CYP2C18: variants seen among roughly 807,000 people sequenced by gnomAD.
CYP2C18 encodes cytochrome P450 2C18.
CYP2C18 carries 38 observed loss-of-function variants against 41.3 expected under a neutral mutation model. The observed-to-expected ratio is 0.92, with a 90% confidence interval of 0.71 to 1.21. CYP2C18 has a LOEUF of 1.21. Among genes scored for constraint, CYP2C18 ranks in the 50% most tolerant of loss-of-function variants. The pLI is 0.00. For missense variants in CYP2C18, 635 were observed against 591.4 expected (o/e 1.07, Z -0.77); for synonymous variants, 236 against 210.0 (o/e 1.12, Z -1.07).
At chr10:94,726,242 A>T (rs1202132328) in intron 7 of CYP2C18, among the ~76,000 whole-genome samples, 1 of 152,052 alleles carries the variant, frequency 6.6e-6, no homozygotes, top group African/African-American at 2.4e-5. Flanking sequence ...ATACATGTGC[A>T]GAATGTGCAG....
intron 8 of CYP2C18, 71 bp downstream of exon 8, chr10:94,733,509 T>G: frequency 1.9e-6 from 3 of 1,591,778 alleles, no homozygotes; most frequent in Non-Finnish European, 2.6e-6. Context: ...GACTCTTACA[T>G]GATGCCACCT....
At position 94,693,202 on chromosome 10, in the gene CYP2C18, G is replaced by A. The variant is rs546082743; in HGVS notation, c.482-1715G>A. Among the ~76,000 whole-genome samples the A allele has an allele frequency of 2.0e-5, 3 of 152,256 alleles. No homozygotes were observed. In the East Asian group the frequency reaches 5.8e-4, roughly 29 times the overall value. On this transcript the variant is annotated intron_variant, in intron 3 of 8. Coordinates refer to ENST00000285979, the MANE Select transcript of CYP2C18 (RefSeq NM_000772.3). The stretch of plus-strand genomic sequence containing the variant: ...TCCCCCATATTGGAGGTGGGGCCTT[G>A]TGAGAGGTGATTGGATCATGGGGGT...
chr10:94,728,853 G>A lies in CYP2C18; in HGVS notation c.1149+4320G>A, dbSNP rs141829285. 5.0e-3 allele frequency among the ~76,000 whole-genome samples: 766 copies of A among 152,146 alleles called. 1 individual carries two copies. Among genetic ancestry groups the A allele is most frequent in the Non-Finnish European group, 7.5e-3 (508 of 68,010 alleles). On this transcript the variant is annotated intron_variant, in intron 7 of 8. Transcript: ENST00000285979. ...CAACTGAAAGTCACAATTACCCAAT[G>A]TAGTTTGCAATTACTTTTCAGTTTC...
chr10:94,720,382 A>T lies in CYP2C18; in HGVS notation c.820-14A>T. 1 of 1,580,962 alleles carries T rather than the reference A, an allele frequency of 6.3e-7. No individual in the cohort carries two copies. Among genetic ancestry groups the T allele is most frequent in the Non-Finnish European group, 8.6e-7 (1 of 1,164,690 alleles). ...CAAACTACCAAATAATTAAATTATG[A>T]AATAATTTTTTAGGAAAAGCACAAT... On this transcript the variant is annotated splice_polypyrimidine_tract_variant and intron_variant, in intron 5 of 8. Transcript: ENST00000285979.
At chr10:94,695,137 A>T (rs895262038) in intron 4 of CYP2C18, 60 bp downstream of exon 4, 1 of 1,413,600 alleles carries the variant, frequency 7.1e-7, no homozygotes. Context: ...AGACAGTCCA[A>T]TTTTTTTAAT....
At chr10:94,690,873 T>C (rs1015590949) in intron 3 of CYP2C18, among the ~76,000 whole-genome samples, 4 of 152,110 alleles carry the variant, frequency 2.6e-5, no homozygotes, top group African/African-American at 9.7e-5. Flanking sequence ...GTCCAACATA[T>C]GAAAATCAAT....
Position 94,706,040 on chromosome 10 carries a change from G to A in CYP2C18, c.643-744G>A, listed in dbSNP as rs145726598. On this transcript the variant is annotated intron_variant, in intron 4 of 8. Coordinates refer to ENST00000285979, the MANE Select transcript of CYP2C18 (RefSeq NM_000772.3). ...TTCATCACATTATTTGGCAAAAGGG[G>A]AGGAGGTTTTGGAGAACAGATGCTA... Among the ~76,000 whole-genome samples the A allele has an allele frequency of 9.5e-4, 144 of 152,268 alleles. 1 individual carries two copies. The highest frequency in any genetic ancestry group is 3.3e-3 in the African/African-American group (139 of 41,566).
intron 6 of CYP2C18, 144 bp downstream of exon 6, chr10:94,720,681 G>T (rs1847632099): frequency 1.3e-6 from 1 of 779,608 alleles, no homozygotes; most frequent in Non-Finnish European, 2.0e-6. Flanking sequence ...TAAATATGAT[G>T]AAGGGATAAG....
Position 94,712,008 on chromosome 10 carries a change from A to ATTTTTTTTTT in CYP2C18, c.819+5059_819+5068dup, listed in dbSNP as rs35672164. ...AGGTGCATGCCACCATGCCCAACTAATTTTTTTTTTTTTTTTTTTTGTAGA... is the reference window on the plus strand; with the variant it reads ...AGGTGCATGCCACCATGCCCAACTAATTTTTTTTTTTTTTTTTTTTTTTTTTTTTTGTAGA... On this transcript the variant is annotated intron_variant, in intron 5 of 8. Coordinates refer to ENST00000285979, the MANE Select transcript of CYP2C18 (RefSeq NM_000772.3). Among the ~76,000 whole-genome samples the ATTTTTTTTTT allele has an allele frequency of 8.5e-3, 834 of 97,784 alleles. 22 individuals are homozygous for ATTTTTTTTTT. The highest frequency in any genetic ancestry group is 0.014 in the Middle Eastern group (3 of 220). 64.2% of individuals were successfully genotyped at this position (97,784 alleles called of 152,430 possible). A position where few individuals can be genotyped will look rare whatever the true frequency, so the allele number is the denominator to read the frequency against.
intron 3 of CYP2C18, among the ~76,000 whole-genome samples, chr10:94,694,661 G>C (rs1847078929): frequency 6.6e-6 from 1 of 152,092 alleles, no homozygotes; most frequent in Non-Finnish European, 1.5e-5. Flanking sequence ...TCTTGGGTCA[G>C]AATTGTGTAA....
intron 3 of CYP2C18, among the ~76,000 whole-genome samples, chr10:94,694,177 G>A (rs943921341): frequency 2.0e-5 from 3 of 152,074 alleles, no homozygotes; most frequent in African/African-American, 7.2e-5. Context: ...CCATTTCTTA[G>A]AGCAGGAAAT....
chr10:94,690,573 A>G (rs1362658120), intron 3 of CYP2C18, among the ~76,000 whole-genome samples: 2 of 152,238 alleles, frequency 1.3e-5, no homozygotes, highest in Non-Finnish European at 2.9e-5. Flanking sequence ...GTCCAGGACC[A>G]GATGGATTCA....
At chr10:94,726,534 G>A (rs1043836700) in intron 7 of CYP2C18, among the ~76,000 whole-genome samples, 14 of 152,050 alleles carry the variant, frequency 9.2e-5, no homozygotes, top group African/African-American at 2.9e-4. Context: ...CATTTTTTAT[G>A]GTTGCATAGT....
chr10:94,717,401 T>C (rs1361370753), intron 5 of CYP2C18, among the ~76,000 whole-genome samples: 1 of 152,168 alleles, frequency 6.6e-6, no homozygotes, highest in Admixed American at 6.6e-5. Context: ...TCTCAGGGTT[T>C]GCTTGTCTGT....
intron 4 of CYP2C18, among the ~76,000 whole-genome samples, chr10:94,700,689 C>T (rs1847221286): frequency 1.3e-5 from 2 of 152,108 alleles, no homozygotes; most frequent in Non-Finnish European, 2.9e-5. Context: ...AACAGGCAAC[C>T]TACAGAATGG....
intron 5 of CYP2C18, among the ~76,000 whole-genome samples, chr10:94,708,778 G>A (rs1847385500): frequency 6.6e-6 from 1 of 152,106 alleles, no homozygotes; most frequent in South Asian, 2.1e-4. Context: ...TATACTGTCT[G>A]TCTCTATAGG....
In CYP2C18 at chr10:94,687,880, G is replaced by GT. The variant is rs770051570; in HGVS notation, c.283dup (p.Ser95PhefsTer10). 6.2e-7 allele frequency: 1 copy of GT among 1,613,842 alleles called. No individual in the cohort carries two copies. Among genetic ancestry groups the GT allele is most frequent in the Admixed American group, 1.7e-5 (1 of 59,994 alleles). ...AGGCCCTGATTGATCATGGAGAGGA[G>GT]TTTTCTGGAAGAGGAAGTTTTCCAG... On this transcript the variant is annotated frameshift_variant, in exon 2 of 9. Coordinates refer to ENST00000285979, the MANE Select transcript of CYP2C18 (RefSeq NM_000772.3). LOFTEE classifies it high-confidence loss of function.
chr10:94,698,066 G>T (rs1331722576), intron 4 of CYP2C18, among the ~76,000 whole-genome samples: 1 of 152,198 alleles, frequency 6.6e-6, no homozygotes, highest in East Asian at 1.9e-4. Flanking sequence ...ACATTAGACA[G>T]ATCAAGGAGA....
chr10:94,695,722 C>A (rs1847104263), intron 4 of CYP2C18, among the ~76,000 whole-genome samples: 1 of 152,088 alleles, frequency 6.6e-6, no homozygotes, highest in South Asian at 2.1e-4. Flanking sequence ...TCAGGGAATT[C>A]CCTTTCCTAG....
Sources: gnomAD v4.1 joint callset for allele counts (sites outside exome capture counted in the v4.1 genomes callset) on GRCh38, gnomAD v4.1.1 for gene constraint, MANE v1.5 for transcripts, NCBI Gene and HGNC (gene_info 2026-07-23, HGNC 2026-07-21) for gene names.